Variants in CYP27A1 observed in about 807,000 individuals in gnomAD.
CYP27A1 encodes the protein cytochrome P450 family 27 subfamily A member 1.
CYP27A1 carries 46 observed loss-of-function variants against 58.2 expected under a neutral mutation model. The ratio of observed to expected loss-of-function variants is 0.79; its 90% CI spans 0.62 to 1.01. CYP27A1 has a LOEUF of 1.01. Ranked by LOEUF, CYP27A1 falls within the 50% of genes least tolerant of loss-of-function variation. The pLI is 0.00. For missense variants in CYP27A1, 704 were observed against 687.0 expected (o/e 1.02, Z -0.28); for synonymous variants, 274 against 285.1 (o/e 0.96, Z 0.39).
chr2:218,805,480 A>G (rs1173783335), intron 1 of CYP27A1, among the ~76,000 whole-genome samples: 2 of 152,200 alleles, frequency 1.3e-5, no homozygotes, highest in Admixed American at 6.5e-5. Context: ...GAGACAAGAC[A>G]TCCGCAAAAT....
intron 1 of CYP27A1, among the ~76,000 whole-genome samples, chr2:218,801,122 C>T (rs577554793): frequency 1.5e-4 from 23 of 152,216 alleles, no homozygotes; most frequent in Non-Finnish European, 2.6e-4. Context: ...GGATTTTGTT[C>T]GGATCTTTGA....
At chr2:218,809,234 A>G (rs1026429079) in intron 1 of CYP27A1, among the ~76,000 whole-genome samples, 2 of 152,088 alleles carry the variant, frequency 1.3e-5, no homozygotes, top group Non-Finnish European at 2.9e-5. Flanking sequence ...TTTCCCTCAA[A>G]TGCTGGCCTC....
rs536535543 is a variant in CYP27A1 at position 218,796,364 on chromosome 2, G to A, written c.256-13213G>A. On this transcript the variant is annotated intron_variant, in intron 1 of 8. Coordinates refer to ENST00000258415, the MANE Select transcript of CYP27A1 (RefSeq NM_000784.4). ...TCCCAGCACTTTGGGGGGCTGAGGC[G>A]GATGGATCACCTGAGGTTAGGAGTT... is the stretch of plus-strand genomic sequence containing the variant. Among the ~76,000 whole-genome samples the A allele has an allele frequency of 3.3e-5, 5 of 152,296 alleles. No homozygotes were observed. The South Asian group carries it at 8.3e-4, about 25-fold the overall frequency.
chr2:218,811,510 A>G (rs1943715116), intron 2 of CYP27A1, among the ~76,000 whole-genome samples: 1 of 152,152 alleles, frequency 6.6e-6, no homozygotes. Context: ...GTATGTTTCC[A>G]CCCACGTGAG....
At chr2:218,804,364 T>A (rs1387270001) in intron 1 of CYP27A1, among the ~76,000 whole-genome samples, 1 of 152,232 alleles carries the variant, frequency 6.6e-6, no homozygotes, top group Non-Finnish European at 1.5e-5. Context: ...GATGTTCTAG[T>A]GTATTTCTGA....
At position 218,815,225 on chromosome 2, in the gene CYP27A1, G is replaced by C. The variant is rs886055632; in HGVS notation, c.*195G>C. ...TGAGCAACTCCCTCTCAGCTAAAAG[G>C]CCACCCCTTTATCGCATTGCTGTCC... On this transcript the variant is annotated 3_prime_UTR_variant, in exon 9 of 9. Transcript: ENST00000258415. 64 of 625,076 alleles carry C rather than the reference G, an allele frequency of 1.0e-4. No homozygotes were observed. The highest frequency in any genetic ancestry group is 1.4e-4 in the Non-Finnish European group (48 of 352,998). 38.7% of individuals were successfully genotyped at this position (625,076 alleles called of 1,614,324 possible).
intron 1 of CYP27A1, among the ~76,000 whole-genome samples, chr2:218,803,210 T>G (rs1943616106): frequency 6.6e-6 from 1 of 152,194 alleles, no homozygotes; most frequent in Non-Finnish European, 1.5e-5. Context: ...CTGCCTGCCT[T>G]GGCCTCCCAA....
chr2:218,800,696 A>G (rs938256534), intron 1 of CYP27A1, among the ~76,000 whole-genome samples: 1 of 152,208 alleles, frequency 6.6e-6, no homozygotes, highest in Admixed American at 6.5e-5. Flanking sequence ...CACATAGCAC[A>G]ATGCCTTATA....
Position 218,782,250 on chromosome 2 carries a change from A to C in CYP27A1, c.68A>C (p.His23Pro), listed in dbSNP as rs1943398664. ...LRGAGRGLCPHGARAKAAIPA... is the reference protein window; with the variant it reads ...LRGAGRGLCPPGARAKAAIPA... ...GGGGCCGGCCGTGGCCTCTGCCCCC[A>C]CGGGGCCAGAGCCAAGGCCGCGATC... The change falls in exon 1 of 9, where the codon CAC (histidine) becomes CCC (proline). Residue 23 changes from histidine to proline, a missense_variant. His to Pro is a moderately conservative substitution (Grantham distance 77, BLOSUM62 -2). Transcript: ENST00000258415. This position sits in a 1 kb window ranked among gnomAD's most constrained non-coding sequence, Gnocchi z 4.1. 6.4e-7 allele frequency: 1 copy of C among 1,553,226 alleles called. No individual in the cohort carries two copies. Among genetic ancestry groups the C allele is most frequent in the African/African-American group, 1.4e-5 (1 of 73,296 alleles).
chr2:218,800,266 A>G (rs2105975258), intron 1 of CYP27A1, among the ~76,000 whole-genome samples: 1 of 152,194 alleles, frequency 6.6e-6, no homozygotes, highest in Middle Eastern at 3.4e-3. Flanking sequence ...TCACAGGGCA[A>G]TCAGTCTTCA....
At chr2:218,811,965 C>G (rs1357915083) in intron 2 of CYP27A1, among the ~76,000 whole-genome samples, 4 of 152,106 alleles carry the variant, frequency 2.6e-5, no homozygotes, top group African/African-American at 7.2e-5. Flanking sequence ...GTGGTCAGAC[C>G]TGTGATTTGA....
chr2:218,802,747 T>C (rs565158501), intron 1 of CYP27A1, among the ~76,000 whole-genome samples: 5 of 152,306 alleles, frequency 3.3e-5, no homozygotes, highest in Middle Eastern at 3.4e-3. Flanking sequence ...TTTTAAGCCA[T>C]TCTAGTGGTT....
chr2:218,814,701 C>T lies in CYP27A1; in HGVS notation c.1420C>T (p.Arg474Trp), dbSNP rs121908098. 20 of 1,614,042 alleles carry T rather than the reference C, an allele frequency of 1.2e-5. No homozygotes were observed. The East Asian group carries it at 1.6e-4, about 13-fold the overall frequency. Residue 474 changes from arginine to tryptophan, a missense_variant, in exon 8 of 9, where the codon CGG becomes TGG. Transcript: ENST00000258415. ...FGSVPFGYGVRACLGRRIAEL... is the reference protein window; with the variant it reads ...FGSVPFGYGVWACLGRRIAEL... ...CTCTGTGCCCTTTGGCTATGGGGTC[C>T]GGGCCTGCCTGGGCCGCAGGATTGC...
In CYP27A1 at chr2:218,815,057, G is replaced by T; in HGVS notation, c.*27G>T. ...CTGAGTCTCCGCCTTGCTGGGGCTT[G>T]TCCTAGAGGCTCCAGCTCTGGCACA... On this transcript the variant is annotated 3_prime_UTR_variant, in exon 9 of 9. Coordinates refer to ENST00000258415, the MANE Select transcript of CYP27A1 (RefSeq NM_000784.4). The T allele has an allele frequency of 1.9e-6, 3 of 1,613,978 alleles. No homozygotes were observed. Among genetic ancestry groups the T allele is most frequent in the Non-Finnish European group, 2.5e-6 (3 of 1,179,952 alleles).
At chr2:218,813,992 C>G (rs1443859942) in intron 5 of CYP27A1, 29 bp from the exon 6 acceptor site, 1 of 1,613,934 alleles carries the variant, frequency 6.2e-7, no homozygotes, top group Non-Finnish European at 8.5e-7. Flanking sequence ...AGAAATCGCC[C>G]TCACCTGATC....
At chr2:218,813,576 C>T (rs566481186) in intron 5 of CYP27A1, among the ~76,000 whole-genome samples, 17 of 152,228 alleles carry the variant, frequency 1.1e-4, no homozygotes, top group African/African-American at 3.9e-4. Context: ...CAGTTGTGCA[C>T]CACCATGCCC....
chr2:218,812,761 C>A lies in CYP27A1; in HGVS notation c.844+12C>A. 6.2e-7 allele frequency: 1 copy of A among 1,614,064 alleles called. No homozygotes were observed. The highest frequency in any genetic ancestry group is 8.5e-7 in the Non-Finnish European group (1 of 1,179,932). On this transcript the variant is annotated intron_variant, in intron 4 of 8. Coordinates refer to ENST00000258415, the MANE Select transcript of CYP27A1 (RefSeq NM_000784.4). Reference sequence around the variant, plus strand: ...CATCTTTTCCTTTGGTGAGGACTCCCAGATGGGGCCCAGGGAAGAGAGATG... The same window carrying A: ...CATCTTTTCCTTTGGTGAGGACTCCAAGATGGGGCCCAGGGAAGAGAGATG...
chr2:218,810,928 A>G (rs1943707421), intron 2 of CYP27A1, among the ~76,000 whole-genome samples: 1 of 152,128 alleles, frequency 6.6e-6, no homozygotes, highest in Admixed American at 6.6e-5. Context: ...TGGGCGGATC[A>G]TGAGGTCAGG....
chr2:218,789,751 C>T (rs949549489), intron 1 of CYP27A1, among the ~76,000 whole-genome samples: 1 of 152,108 alleles, frequency 6.6e-6, no homozygotes, highest in African/African-American at 2.4e-5. Flanking sequence ...AGAGGATGAC[C>T]AAGACTTTAC....
Sources: allele counts gnomAD v4.1 joint callset (sites outside exome capture counted in the v4.1 genomes callset), GRCh38; gene constraint gnomAD v4.1.1; non-coding constraint Gnocchi (gnomAD v3.1); transcripts MANE v1.5; gene names NCBI Gene and HGNC (gene_info 2026-07-23, HGNC 2026-07-21).